The following ATP2A1 variants were observed in gnomAD, a reference collection of about 807,000 sequenced individuals.
The protein encoded by ATP2A1 is sarcoplasmic/endoplasmic reticulum calcium ATPase 1.
ATP2A1 carries 83 observed loss-of-function variants against 109.5 expected under a neutral mutation model. The observed-to-expected ratio is 0.76, with a 90% CI of 0.63 to 0.91. ATP2A1 has a LOEUF of 0.91. ATP2A1 is among the 40% of genes least tolerant of loss of function. The pLI, the probability that ATP2A1 is intolerant of heterozygous loss-of-function variation, is 0.00. For synonymous variants in ATP2A1, 505 were observed against 537.6 expected, an observed-to-expected ratio of 0.94 and a Z score of 0.84; for missense variants, 1,101 against 1,341.0, an observed-to-expected ratio of 0.82 and a Z score of 2.80.
At position 28,902,199 on chromosome 16, in the gene ATP2A1, T is replaced by G; in HGVS notation, c.2337T>G (p.Ala779=). 6.2e-7 allele frequency: 1 copy of G among 1,614,160 alleles called. No individual in the cohort carries two copies. Among genetic ancestry groups the G allele is most frequent in the Non-Finnish European group, 8.5e-7 (1 of 1,179,988 alleles). Reference sequence around the variant, plus strand: ...CTTCCCACAGTATCTTCCTGACCGCTGCCCTGGGGCTGCCTGAGGCCCTGA... The same window carrying G: ...CTTCCCACAGTATCTTCCTGACCGCGGCCCTGGGGCTGCCTGAGGCCCTGA... ...VGEVVCIFLT[A]ALGLPEALIP... is the part of the protein sequence containing the mutation. The change falls in exon 17 of 23, where the codon GCT becomes GCG. Residue 779 remains alanine (A), a synonymous_variant. Coordinates refer to ENST00000395503, the MANE Select transcript of ATP2A1 (RefSeq NM_004320.6). This position sits in a 1 kb window ranked among gnomAD's most constrained non-coding sequence, Gnocchi z 4.8.
Position 28,898,386 on chromosome 16 carries a change from C to G in ATP2A1, c.1699C>G (p.Arg567Gly), listed in dbSNP as rs978609717. 12 of 1,614,064 alleles carry G rather than the reference C, an allele frequency of 7.4e-6. No individual in the cohort carries two copies. Among genetic ancestry groups the G allele is most frequent in the African/African-American group, 1.3e-5 (1 of 74,936 alleles). The change falls in exon 14 of 23, where the codon CGG (arginine) becomes GGG (glycine). Residue 567 changes from arginine (R) to glycine (G), a missense_variant. Arg to Gly is a moderately radical substitution (Grantham distance 125). Coordinates refer to ENST00000395503, the MANE Select transcript of ATP2A1 (RefSeq NM_004320.6). This position sits in a 1 kb window ranked among gnomAD's most constrained non-coding sequence, Gnocchi z 4.0. ...DTLRCLALAT[R>G]DTPPKREEMV... ...CCTGCGCTGCTTGGCCCTGGCCACCCGGGACACCCCCCCGAAGCGAGAGGA... is the reference window on the plus strand; with the variant it reads ...CCTGCGCTGCTTGGCCCTGGCCACCGGGGACACCCCCCCGAAGCGAGAGGA...
Position 28,880,349 on chromosome 16 carries a change from A to G in ATP2A1, c.220-566A>G, listed in dbSNP as rs947715842. Among the ~76,000 whole-genome samples, 1 of 152,236 alleles carries G rather than the reference A, an allele frequency of 6.6e-6. No homozygotes were observed. ...CTCCGAACGCAGGCCCCGTCGCGTT[A>G]AGCACAAGCTGGCAGGGCCTCTCCT... On this transcript the variant is annotated intron_variant, in intron 3 of 22. Coordinates refer to ENST00000395503, the MANE Select transcript of ATP2A1 (RefSeq NM_004320.6). The surrounding 1 kb of genome is among the most constrained non-coding windows in gnomAD (Gnocchi z 4.2).
In ATP2A1 at chr16:28,898,487, G is replaced by A. The variant is rs1254498110; in HGVS notation, c.1764+36G>A. 2 of 1,595,564 alleles carry A rather than the reference G, an allele frequency of 1.3e-6. No individual in the cohort carries two copies. Among genetic ancestry groups the A allele is most frequent in the East Asian group, 4.6e-5 (2 of 43,840 alleles). ...GGGAGCCTCCCACTGTCGTGGAGCT[G>A]GTGAAGGGCCGGGTCCCAGCCATCC... On this transcript the variant is annotated intron_variant, in intron 14 of 22. Coordinates refer to ENST00000395503, the MANE Select transcript of ATP2A1 (RefSeq NM_004320.6). The surrounding 1 kb of genome is among the most constrained non-coding windows in gnomAD (Gnocchi z 4.0).
Position 28,903,208 on chromosome 16 carries a change from T to C in ATP2A1, c.2862+61T>C. The C allele has an allele frequency of 6.3e-7, 1 of 1,595,948 alleles. No homozygotes were observed. Among genetic ancestry groups the C allele is most frequent in the East Asian group, 2.2e-5 (1 of 44,772 alleles). ...CACTGGGGAGCCCACGGCGGGCCCATGACCACTCCCACCAGGGGCGCCGAT... is the reference window on the plus strand; with the variant it reads ...CACTGGGGAGCCCACGGCGGGCCCACGACCACTCCCACCAGGGGCGCCGAT... On this transcript the variant is annotated intron_variant, in intron 20 of 22. Coordinates refer to ENST00000395503, the MANE Select transcript of ATP2A1 (RefSeq NM_004320.6). This position sits in a 1 kb window ranked among gnomAD's most constrained non-coding sequence, Gnocchi z 5.6.
chr16:28,878,947 A>T, intron 1 of ATP2A1, 152 bp from the exon 2 acceptor site: 1 of 1,339,672 alleles, frequency 7.5e-7, no homozygotes, highest in South Asian at 1.2e-5. Context: ...GAGAAAACAG[A>T]GTCCCGAGAT....
At chr16:28,891,155 G>C (rs1364284119) in intron 9 of ATP2A1, among the ~76,000 whole-genome samples, 1 of 151,872 alleles carries the variant, frequency 6.6e-6, no homozygotes, top group Admixed American at 6.6e-5. Flanking sequence ...AATTAGTTGG[G>C]CGTGTTGGCA....
At chr16:28,890,018 A>G (rs1012978326) in intron 9 of ATP2A1, among the ~76,000 whole-genome samples, 1 of 152,068 alleles carries the variant, frequency 6.6e-6, no homozygotes, top group African/African-American at 2.4e-5. Flanking sequence ...GGTGCGTGCC[A>G]GTAATCCCAG....
rs373915336 is a variant in ATP2A1 at position 28,902,098 on chromosome 16, G to A, written c.2321+15G>A. ...GAGGTGGTCTGGTGAGCAGCTGGGT[G>A]GGCGTCCAGGAGGAAGCCGGGGTTA... On this transcript the variant is annotated intron_variant, in intron 16 of 22. Transcript: ENST00000395503. The surrounding 1 kb of genome is among the most constrained non-coding windows in gnomAD (Gnocchi z 4.8). 2 of 1,614,076 alleles carry A rather than the reference G, an allele frequency of 1.2e-6. No homozygotes were observed. Among genetic ancestry groups the A allele is most frequent in the African/African-American group, 1.3e-5 (1 of 74,942 alleles).
In ATP2A1 at chr16:28,903,470, TG is replaced by T; in HGVS notation, c.2980+32del. On this transcript the variant is annotated intron_variant, in intron 21 of 22. Coordinates refer to ENST00000395503, the MANE Select transcript of ATP2A1 (RefSeq NM_004320.6). This position sits in a 1 kb window ranked among gnomAD's most constrained non-coding sequence, Gnocchi z 5.6. ...GGAGTGCCCTCTCTGTCCCAAGCCCTGGCCCCACCACAGCCCCTTCCCCATG... is the reference window on the plus strand; with the variant it reads ...GGAGTGCCCTCTCTGTCCCAAGCCCTGCCCCACCACAGCCCCTTCCCCATG... The T allele has an allele frequency of 6.3e-7, 1 of 1,583,954 alleles. No individual in the cohort carries two copies. The highest frequency in any genetic ancestry group is 8.7e-7 in the Non-Finnish European group (1 of 1,153,304).
chr16:28,879,673 C>G, intron 3 of ATP2A1, 90 bp downstream of exon 3: 1 of 1,399,136 alleles, frequency 7.1e-7, no homozygotes, highest in Non-Finnish European at 9.9e-7. Flanking sequence ...ATCCTCCCGT[C>G]CGAGTCCCGA....
chr16:28,897,745 C>T (rs1963957265), intron 12 of ATP2A1, among the ~76,000 whole-genome samples: 1 of 152,150 alleles, frequency 6.6e-6, no homozygotes, highest in African/African-American at 2.4e-5. Context: ...GCTGGGATTA[C>T]AGGCATGAGC....
In ATP2A1 at chr16:28,901,883, C is replaced by T. The variant is rs767129999; in HGVS notation, c.2121C>T (p.Asp707=). The change falls in exon 16 of 23, where the codon GAC becomes GAT. Residue 707 remains aspartate (D), a synonymous_variant. Transcript: ENST00000395503. ...CTCAGACAGGTGATGGCGTCAATGA[C>T]GCCCCTGCCCTGAAGAAGGCTGAGA... ...ITAMTGDGVN[D]APALKKAEIG... 83 of 1,613,940 alleles carry T rather than the reference C, an allele frequency of 5.1e-5. No individual in the cohort carries two copies. Among genetic ancestry groups the T allele is most frequent in the Middle Eastern group, 3.3e-4 (2 of 6,066 alleles).
Position 28,903,873 on chromosome 16 carries a change from T to A in ATP2A1, c.*37+132T>A, listed in dbSNP as rs1340016033. The A allele has an allele frequency of 2.1e-6, 2 of 940,106 alleles. No homozygotes were observed. The highest frequency in any genetic ancestry group is 3.4e-6 in the Non-Finnish European group (2 of 585,830). The allele number at this position is 940,106 out of a possible 1,614,324, so 58.2% of individuals were successfully genotyped here. ...CTGGAGCCGTTGCCACTGCTGCTGC[T>A]GCGCTTCCAGTCAGGGTGGGCCGCT... On this transcript the variant is annotated intron_variant, in intron 22 of 22. Transcript: ENST00000395503. This position sits in a 1 kb window ranked among gnomAD's most constrained non-coding sequence, Gnocchi z 5.6.
At chr16:28,894,025 A>C in intron 9 of ATP2A1, 130 bp from the exon 10 acceptor site, 1 of 733,896 alleles carries the variant, frequency 1.4e-6, no homozygotes, top group Non-Finnish European at 2.4e-6. Flanking sequence ...TACGGGGGGG[A>C]TGAGGAGGGG....
chr16:28,903,015 C>A lies in ATP2A1; in HGVS notation c.2745-15C>A, dbSNP rs372499653. ...CCTCCTCACTGTGCCTTCTCCCTCC[C>A]CTTCCCCTCTGCAGCCTGTCCGAGA... On this transcript the variant is annotated splice_polypyrimidine_tract_variant and intron_variant, in intron 19 of 22. Coordinates refer to ENST00000395503, the MANE Select transcript of ATP2A1 (RefSeq NM_004320.6). This position sits in a 1 kb window ranked among gnomAD's most constrained non-coding sequence, Gnocchi z 5.6. 1.9e-6 allele frequency: 3 copies of A among 1,613,638 alleles called. No homozygotes were observed. The African/African-American group carries it at 4.0e-5, about 22-fold the overall frequency.
chr16:28,896,376 G>A (rs1249044847), intron 12 of ATP2A1, among the ~76,000 whole-genome samples: 13 of 151,870 alleles, frequency 8.6e-5, no homozygotes, highest in Non-Finnish European at 1.8e-4. Context: ...ACAGATGCAA[G>A]CCACAATGCC....
Position 28,899,554 on chromosome 16 carries a change from G to A in ATP2A1, c.1765-1027G>A, listed in dbSNP as rs374438291. ...CTCTGGAGGCTGAGGCAGGAGAATC[G>A]CTTGAACCTGGGAGGCGGAGGTTGC... is the stretch of plus-strand genomic sequence containing the variant. On this transcript the variant is annotated intron_variant, in intron 14 of 22. Coordinates refer to ENST00000395503, the MANE Select transcript of ATP2A1 (RefSeq NM_004320.6). Among the ~76,000 whole-genome samples, 19 of 148,352 alleles carry A rather than the reference G, an allele frequency of 1.3e-4. No individual in the cohort carries two copies. In the East Asian group the frequency reaches 3.8e-3, roughly 30 times the overall value.
rs1963451508 is a variant in ATP2A1 at position 28,880,891 on chromosome 16, A to C, written c.220-24A>C. 2 of 1,604,380 alleles carry C rather than the reference A, an allele frequency of 1.2e-6. No homozygotes were observed. The highest frequency in any genetic ancestry group is 1.7e-6 in the Non-Finnish European group (2 of 1,171,296). ...CTGTTTTGGGGCCTCATTACCTGTC[A>C]TTCTCCTTTCCCCTGCTCCCCAGGT... On this transcript the variant is annotated intron_variant, in intron 3 of 22. Transcript: ENST00000395503. This position sits in a 1 kb window ranked among gnomAD's most constrained non-coding sequence, Gnocchi z 4.2.
intron 9 of ATP2A1, among the ~76,000 whole-genome samples, chr16:28,889,775 C>G (rs1473647095): frequency 1.3e-5 from 2 of 152,194 alleles, no homozygotes; most frequent in African/African-American, 4.8e-5. Context: ...TAAAGCAGGG[C>G]TCTTAATCTT....
Sources: allele counts gnomAD v4.1 joint callset (sites outside exome capture counted in the v4.1 genomes callset), GRCh38; gene constraint gnomAD v4.1.1; non-coding constraint Gnocchi (gnomAD v3.1); transcripts MANE v1.5; gene names NCBI Gene and HGNC (gene_info 2026-07-23, HGNC 2026-07-21).